DNER: variants seen among roughly 807,000 people sequenced by gnomAD.
DNER encodes delta/notch like EGF repeat containing, also known as delta and Notch-like epidermal growth factor-related receptor.
DNER carries 33 observed loss-of-function variants against 78.2 expected under a neutral mutation model. The ratio of observed to expected loss-of-function variants is 0.42; its 90% CI spans 0.32 to 0.56. DNER has a LOEUF of 0.56. DNER is among the 20% of genes least tolerant of loss of function. The pLI is 0.11. For missense variants in DNER, 918 were observed against 975.3 expected (o/e 0.94, Z 0.78); for synonymous variants, 417 against 384.8 (o/e 1.08, Z -0.98).
rs1697211657 is a variant in DNER at position 229,571,121 on chromosome 2, AGTAGCC to A, written c.847+14731_847+14736del. On this transcript the variant is annotated intron_variant, in intron 4 of 12. Coordinates refer to ENST00000341772, the MANE Select transcript of DNER (RefSeq NM_139072.4). ...GAGAGGCTGGGGGTTGGGCCATGCT[AGTAGCC>A]GTGAAGGTGGAGAAATGAGGTCAGA... is the stretch of plus-strand genomic sequence containing the variant. 2.6e-5 allele frequency among the ~76,000 whole-genome samples: 4 copies of A among 152,218 alleles called. 1 individual carries two copies. In the South Asian group the frequency reaches 8.3e-4, roughly 32 times the overall value.
rs59692749 is a variant in DNER at position 229,378,881 on chromosome 2, C to T, written c.1855+9384G>A. 8.9e-3 allele frequency among the ~76,000 whole-genome samples: 1,353 copies of T among 152,274 alleles called. 25 individuals carry two copies. The highest frequency in any genetic ancestry group is 0.03 in the African/African-American group (1,248 of 41,542). On this transcript the variant is annotated intron_variant, in intron 11 of 12. Transcript: ENST00000341772. ...TGATTCAGACCCAATTATCTAGACA[C>T]GAGCCACTGGTTTCAGCTATGTGTC...
At chr2:229,597,748 G>A (rs765882898) in intron 1 of DNER, among the ~76,000 whole-genome samples, 15 of 152,240 alleles carry the variant, frequency 9.9e-5, no homozygotes, top group South Asian at 2.1e-4. Context: ...ATTAAATGCC[G>A]TGTGCTTGCT....
At chr2:229,617,470 T>G (rs569347893) in intron 1 of DNER, among the ~76,000 whole-genome samples, 139 of 152,344 alleles carry the variant, frequency 9.1e-4, no homozygotes, top group Non-Finnish European at 1.7e-3. Flanking sequence ...TAACTTTTAG[T>G]CTTCTGAAAA....
intron 5 of DNER, among the ~76,000 whole-genome samples, chr2:229,546,357 G>C (rs2396669): frequency 0.061 from 9,237 of 152,216 alleles, 872 homozygotes; most frequent in African/African-American, 0.2. Flanking sequence ...AAACTACTCC[G>C]TTAAGTTTAT....
intron 5 of DNER, among the ~76,000 whole-genome samples, chr2:229,514,345 G>A (rs1483630333): frequency 6.6e-6 from 1 of 152,146 alleles, no homozygotes; most frequent in Non-Finnish European, 1.5e-5. Context: ...ATTGCAAATA[G>A]TAATAATGTC....
chr2:229,458,991 A>T (rs1008341369), intron 7 of DNER, among the ~76,000 whole-genome samples: 5 of 152,066 alleles, frequency 3.3e-5, no homozygotes, highest in East Asian at 3.8e-4. Flanking sequence ...ACTGGAAATT[A>T]AAAAATGTTT....
chr2:229,511,771 G>A (rs1418880820), intron 6 of DNER, among the ~76,000 whole-genome samples: 1 of 152,198 alleles, frequency 6.6e-6, no homozygotes, highest in Non-Finnish European at 1.5e-5. Flanking sequence ...CTATTGGGCT[G>A]AGAATATTAT....
At chr2:229,422,143 G>C (rs559532500) in intron 8 of DNER, among the ~76,000 whole-genome samples, 1 of 152,196 alleles carries the variant, frequency 6.6e-6, no homozygotes, top group Admixed American at 6.5e-5. Context: ...GAAATGTCAA[G>C]GCACCCTTTA....
chr2:229,523,644 G>C (rs1459956549), intron 5 of DNER, among the ~76,000 whole-genome samples: 1 of 152,144 alleles, frequency 6.6e-6, no homozygotes, highest in Non-Finnish European at 1.5e-5. Flanking sequence ...CAAATTTGGG[G>C]GGCAGGAGGA....
At chr2:229,714,068 G>GGCA (rs1699952643) in intron 1 of DNER, 80 bp downstream of exon 1, 2 of 1,203,634 alleles carry the variant, frequency 1.7e-6, no homozygotes, top group South Asian at 3.3e-5. Flanking sequence ...CCCATTGTCG[G>GGCA]GCAGCAGCAG....
intron 1 of DNER, among the ~76,000 whole-genome samples, chr2:229,661,618 A>G: frequency 6.6e-6 from 1 of 152,226 alleles, no homozygotes; most frequent in East Asian, 1.9e-4. Context: ...AAAGTTAACA[A>G]AAAAGAAAAA....
chr2:229,380,300 T>A (rs1288721312), intron 11 of DNER, among the ~76,000 whole-genome samples: 1 of 151,370 alleles, frequency 6.6e-6, no homozygotes, highest in African/African-American at 2.4e-5. Context: ...TAGAGAGGAG[T>A]GGAGAGAGCA....
At chr2:229,543,412 A>G (rs546625771) in intron 5 of DNER, among the ~76,000 whole-genome samples, 10 of 152,194 alleles carry the variant, frequency 6.6e-5, no homozygotes, top group Non-Finnish European at 1.3e-4. Context: ...CCCACAACAC[A>G]CATACATTAA....
intron 6 of DNER, among the ~76,000 whole-genome samples, chr2:229,497,270 A>G (rs2154211849): frequency 6.6e-6 from 1 of 152,280 alleles, no homozygotes; most frequent in Non-Finnish European, 1.5e-5. Flanking sequence ...TGGAAACACA[A>G]CATACCAAAA....
At chr2:229,435,593 A>G (rs530471400) in intron 8 of DNER, among the ~76,000 whole-genome samples, 1 of 152,230 alleles carries the variant, frequency 6.6e-6, no homozygotes, top group Non-Finnish European at 1.5e-5. Context: ...ACGGAGTAGT[A>G]AAGAGGAGTC....
At chr2:229,580,298 TATC>T (rs1559172709) in intron 4 of DNER, 1 of 152,184 alleles carries the variant, frequency 6.6e-6, no homozygotes, top group East Asian at 1.9e-4. Flanking sequence ...AGGACATTCT[TATC>T]AGCCATGGGT....
intron 4 of DNER, among the ~76,000 whole-genome samples, chr2:229,550,509 G>T (rs1696712730): frequency 6.6e-6 from 1 of 152,054 alleles, no homozygotes; most frequent in African/African-American, 2.4e-5. Flanking sequence ...GGGCGCAGTG[G>T]CTCATGCCTG....
At chr2:229,486,043 G>C (rs747352391) in intron 6 of DNER, among the ~76,000 whole-genome samples, 2 of 152,144 alleles carry the variant, frequency 1.3e-5, no homozygotes, top group African/African-American at 4.8e-5. Context: ...TCTCACCCTG[G>C]GGGGATCTGA....
At chr2:229,374,809 A>T (rs1274382311) in intron 11 of DNER, among the ~76,000 whole-genome samples, 1 of 152,126 alleles carries the variant, frequency 6.6e-6, no homozygotes, top group African/African-American at 2.4e-5. Flanking sequence ...AATTTAGAGA[A>T]CTATTTCAGA....
Sources: allele counts gnomAD v4.1 joint callset (sites outside exome capture counted in the v4.1 genomes callset), GRCh38; gene constraint gnomAD v4.1.1; transcripts MANE v1.5; gene names NCBI Gene and HGNC (gene_info 2026-07-23, HGNC 2026-07-21).